ERICH5: variants seen among roughly 807,000 people sequenced by gnomAD.
ERICH5 encodes the protein glutamate rich 5.
A neutral mutation model predicts 28.0 loss-of-function variants in ERICH5; 24 were observed. The ratio of observed to expected loss-of-function variants is 0.86; its 90% CI spans 0.62 to 1.21. The LOEUF (loss-of-function observed/expected upper bound fraction) is 1.21, where lower values mean the gene tolerates loss of function less well. Ranked by LOEUF, ERICH5 falls within the 50% of genes most tolerant of loss-of-function variation. ERICH5 has a pLI of 0.00. For missense variants in ERICH5, 421 were observed against 441.2 expected, an observed-to-expected ratio of 0.95 and a Z score of 0.41; for synonymous variants, 163 against 157.6, an observed-to-expected ratio of 1.03 and a Z score of -0.25.
intron 1 of ERICH5, among the ~76,000 whole-genome samples, chr8:98,073,921 C>CTTT (rs5893449): frequency 2.1e-5 from 3 of 140,464 alleles, no homozygotes; most frequent in African/African-American, 2.6e-5. Flanking sequence ...CTCTCTTTTT[C>CTTT]TTTTTTTTTT....
intron 1 of ERICH5, among the ~76,000 whole-genome samples, chr8:98,085,729 AG>A (rs768995255): frequency 4.6e-5 from 7 of 152,200 alleles, no homozygotes; most frequent in South Asian, 4.1e-4. Context: ...CACCACCTGC[AG>A]GGCCCTCCAT....
chr8:98,083,461 C>A (rs371489093), intron 1 of ERICH5, among the ~76,000 whole-genome samples: 1 of 151,746 alleles, frequency 6.6e-6, no homozygotes, highest in Non-Finnish European at 1.5e-5. Context: ...TGAAAAATAG[C>A]CCTCCCCTCA....
chr8:98,072,880 TTG>T (rs1432702533), intron 1 of ERICH5, among the ~76,000 whole-genome samples: 1 of 152,154 alleles, frequency 6.6e-6, no homozygotes, highest in African/African-American at 2.4e-5. Flanking sequence ...AAGGTGATTT[TTG>T]TGTGTGTGCC....
intron 1 of ERICH5, among the ~76,000 whole-genome samples, chr8:98,065,680 A>G (rs1814806845): frequency 6.6e-6 from 1 of 152,234 alleles, no homozygotes. Context: ...CACTTTTCTT[A>G]GATTTTGAAT....
At chr8:98,064,842 T>A in intron 1 of ERICH5, 115 bp downstream of exon 1, 1 of 753,586 alleles carries the variant, frequency 1.3e-6, no homozygotes, top group Non-Finnish European at 2.0e-6. Context: ...AGCCGGGCCT[T>A]GTCCCGGAGG....
chr8:98,085,835 GCA>G (rs1402285657), intron 1 of ERICH5, among the ~76,000 whole-genome samples: 1 of 152,110 alleles, frequency 6.6e-6, no homozygotes, highest in East Asian at 1.9e-4. Flanking sequence ...AACTATCTCA[GCA>G]CACTCAACTC....
chr8:98,083,809 A>G lies in ERICH5; in HGVS notation c.59-5267A>G, dbSNP rs80216536. ...GATGTAAAATCTACAACCATCTCCA[A>G]GATACCATGCCCCAGCCTGAGCAAT... On this transcript the variant is annotated intron_variant, in intron 1 of 2. Transcript: ENST00000318528. 8.4e-3 allele frequency among the ~76,000 whole-genome samples: 1,278 copies of G among 152,298 alleles called. 17 individuals carry two copies. Among genetic ancestry groups the G allele is most frequent in the African/African-American group, 0.028 (1,177 of 41,566 alleles).
intron 1 of ERICH5, among the ~76,000 whole-genome samples, chr8:98,072,910 A>G (rs1814944163): frequency 6.6e-6 from 1 of 150,392 alleles, no homozygotes; most frequent in Non-Finnish European, 1.5e-5. Context: ...GCCTCTTCCC[A>G]TTTTCTCAAG....
intron 1 of ERICH5, among the ~76,000 whole-genome samples, chr8:98,085,781 C>A (rs1250245003): frequency 6.6e-6 from 1 of 152,228 alleles, no homozygotes; most frequent in Admixed American, 6.5e-5. Flanking sequence ...ACTATCCTTT[C>A]CTGAGTCCTC....
chr8:98,082,918 G>T (rs888741798), intron 1 of ERICH5, among the ~76,000 whole-genome samples: 3 of 152,158 alleles, frequency 2.0e-5, no homozygotes, highest in African/African-American at 2.4e-5. Context: ...GTGATCATGG[G>T]TATAAATATT....
intron 1 of ERICH5, 81 bp from the exon 2 acceptor site, chr8:98,088,995 G>A: frequency 4.7e-6 from 5 of 1,057,538 alleles, no homozygotes; most frequent in South Asian, 1.6e-5. Flanking sequence ...ACTTTGTGAT[G>A]TCAATTCACT....
chr8:98,088,583 G>A (rs951999344), intron 1 of ERICH5, among the ~76,000 whole-genome samples: 3 of 152,170 alleles, frequency 2.0e-5, no homozygotes, highest in Admixed American at 2.0e-4. Context: ...TTTGCTGGGG[G>A]CTTTCCTGTG....
intron 1 of ERICH5, among the ~76,000 whole-genome samples, chr8:98,078,045 A>AT (rs1347947779): frequency 2.0e-5 from 3 of 152,154 alleles, no homozygotes; most frequent in African/African-American, 7.2e-5. Flanking sequence ...TTGGTTGATA[A>AT]TTTTATATGT....
chr8:98,066,082 G>A (rs1814814800), intron 1 of ERICH5, among the ~76,000 whole-genome samples: 1 of 152,154 alleles, frequency 6.6e-6, no homozygotes, highest in South Asian at 2.1e-4. Context: ...TGAAAAGATG[G>A]AAAAATTCAT....
chr8:98,082,675 C>T (rs745469389), intron 1 of ERICH5, among the ~76,000 whole-genome samples: 8 of 151,006 alleles, frequency 5.3e-5, no homozygotes, highest in East Asian at 1.9e-4. Context: ...GAAAATGGAT[C>T]GGCCTGGGCA....
At chr8:98,080,289 G>T (rs1353744931) in intron 1 of ERICH5, among the ~76,000 whole-genome samples, 1 of 152,194 alleles carries the variant, frequency 6.6e-6, no homozygotes, top group African/African-American at 2.4e-5. Context: ...ATCCAGAGAG[G>T]TTAGGAACTA....
At chr8:98,067,140 A>G (rs892913544) in intron 1 of ERICH5, among the ~76,000 whole-genome samples, 4 of 152,180 alleles carry the variant, frequency 2.6e-5, no homozygotes, top group Non-Finnish European at 5.9e-5. Context: ...CTGGGCTTTG[A>G]ACTCATATGC....
intron 2 of ERICH5, among the ~76,000 whole-genome samples, chr8:98,091,833 TC>T (rs1815389422): frequency 6.9e-6 from 1 of 144,340 alleles, no homozygotes; most frequent in South Asian, 2.2e-4. Flanking sequence ...TCTTTCTTTT[TC>T]TTTTTCTTTC....
At chr8:98,080,186 C>A (rs1815151317) in intron 1 of ERICH5, among the ~76,000 whole-genome samples, 1 of 152,178 alleles carries the variant, frequency 6.6e-6, no homozygotes. Flanking sequence ...ATGTCAGATA[C>A]CATGCTGGGC....
Sources: allele counts gnomAD v4.1 joint callset (sites outside exome capture counted in the v4.1 genomes callset), GRCh38; gene constraint gnomAD v4.1.1; transcripts MANE v1.5; gene names NCBI Gene and HGNC (gene_info 2026-07-23, HGNC 2026-07-21).